DNAJC10: variants seen among roughly 807,000 people sequenced by gnomAD.
DNAJC10 encodes DnaJ heat shock protein family (Hsp40) member C10.
Under a neutral mutation model 115.0 loss-of-function variants are expected in DNAJC10, and 101 were observed. The ratio of observed to expected loss-of-function variants is 0.88; its 90% CI spans 0.75 to 1.04. DNAJC10 has a LOEUF of 1.04. Ranked by LOEUF, DNAJC10 falls within the 50% of genes least tolerant of loss-of-function variation. DNAJC10 has a pLI of 0.00. For missense variants in DNAJC10, 981 were observed against 928.8 expected (o/e 1.06, Z -0.73); for synonymous variants, 307 against 301.5 (o/e 1.02, Z -0.19).
intron 14 of DNAJC10, among the ~76,000 whole-genome samples, chr2:182,746,658 A>C (rs1294940417): frequency 6.6e-6 from 1 of 152,062 alleles, no homozygotes; most frequent in Non-Finnish European, 1.5e-5. Context: ...AGGTTGCGAA[A>C]ATTTTCTGCC....
rs900598961 is a variant in DNAJC10, at chr2:182,717,933, T to C, written c.-146-8T>C. ...AATGTATTTTAACTGCCTGCTTTTC[T>C]TTCTTAGATTAATATTTTTGGGGAC... On this transcript the variant is annotated splice_polypyrimidine_tract_variant and splice_region_variant and intron_variant, in intron 2 of 23. Transcript: ENST00000264065. 7.9e-6 allele frequency: 4 copies of C among 503,928 alleles called. No individual in the cohort carries two copies. Among genetic ancestry groups the C allele is most frequent in the Non-Finnish European group, 1.4e-5 (4 of 291,500 alleles). 31.2% of individuals were successfully genotyped at this position (503,928 alleles called of 1,614,324 possible).
Position 182,783,520 on chromosome 2 carries a change from CATTT to C in DNAJC10, c.*6394_*6397del, listed in dbSNP as rs1694892546. The C allele has an allele frequency of 6.6e-6, 1 of 152,074 alleles. No individual in the cohort carries two copies. The highest frequency in any genetic ancestry group is 2.4e-5 in the African/African-American group (1 of 41,414). 9.4% of individuals were successfully genotyped at this position (152,074 alleles called of 1,614,324 possible). A position where few individuals can be genotyped will look rare whatever the true frequency, so the allele number is the denominator to read the frequency against. The stretch of plus-strand genomic sequence containing the variant: ...TGGCTTTAATGTATTTAGGAAAAAT[CATTT>C]ATTTACAAAACATCTTCCCTTTCTT... On this transcript the variant is annotated 3_prime_UTR_variant, in exon 24 of 24. Coordinates refer to ENST00000264065, the MANE Select transcript of DNAJC10 (RefSeq NM_018981.4).
intron 1 of DNAJC10, among the ~76,000 whole-genome samples, chr2:182,716,775 C>T (rs1693004182): frequency 6.6e-6 from 1 of 152,176 alleles, no homozygotes; most frequent in Non-Finnish European, 1.5e-5. Context: ...CTTTACCCCT[C>T]TCCCCTCTCC....
Position 182,782,644 on chromosome 2 carries a change from G to A in DNAJC10, c.*5512G>A, listed in dbSNP as rs1430943179. 1.3e-5 allele frequency: 2 copies of A among 152,154 alleles called. No individual in the cohort carries two copies. The highest frequency in any genetic ancestry group is 3.9e-4 in the East Asian group (2 of 5,194). 9.4% of individuals were successfully genotyped at this position (152,154 alleles called of 1,614,324 possible). ...AAGAGGTCCTTCACGTCCCTTGTAA[G>A]TTGTATTCCTAGGTATTTAATTCTC... On this transcript the variant is annotated 3_prime_UTR_variant, in exon 24 of 24. Transcript: ENST00000264065.
At chr2:182,737,595 G>A (rs973269680) in intron 11 of DNAJC10, among the ~76,000 whole-genome samples, 16 of 152,174 alleles carry the variant, frequency 1.1e-4, no homozygotes, top group East Asian at 7.7e-4. Context: ...GCACCTATAC[G>A]TATATGTGTG....
At chr2:182,749,794 A>T (rs939908620) in intron 14 of DNAJC10, among the ~76,000 whole-genome samples, 1 of 152,212 alleles carries the variant, frequency 6.6e-6, no homozygotes, top group African/African-American at 2.4e-5. Context: ...AACATGTATT[A>T]ATTCACAGTT....
intron 22 of DNAJC10, among the ~76,000 whole-genome samples, chr2:182,770,319 A>C (rs1559026707): frequency 6.6e-6 from 1 of 152,162 alleles, no homozygotes; most frequent in Non-Finnish European, 1.5e-5. Context: ...GTTCCATATG[A>C]AATTTAAAGT....
chr2:182,791,675 G>A lies in DNAJC10; in HGVS notation c.*14543G>A, dbSNP rs1235792320. 1 of 152,012 alleles carries A rather than the reference G, an allele frequency of 6.6e-6. No homozygotes were observed. The highest frequency in any genetic ancestry group is 1.9e-4 in the East Asian group (1 of 5,180). 9.4% of individuals were successfully genotyped at this position (152,012 alleles called of 1,614,324 possible). On this transcript the variant is annotated 3_prime_UTR_variant, in exon 24 of 24. Transcript: ENST00000264065. ...TTATTCTACCTCTCATTTATTTTCT[G>A]TTTAATAAATCCAGTATTTGGGCAT...
Position 182,755,124 on chromosome 2 carries a change from A to G in DNAJC10, c.1653+20A>G, listed in dbSNP as rs748668550. On this transcript the variant is annotated intron_variant, in intron 17 of 23. Transcript: ENST00000264065. The stretch of plus-strand genomic sequence containing the variant: ...ATAGAGGTATTTCAGATTATAGACT[A>G]TGTGACTAGAAATTTGTCTGTTTCT... The G allele has an allele frequency of 1.3e-5, 18 of 1,430,964 alleles. No individual in the cohort carries two copies. The highest frequency in any genetic ancestry group is 1.0e-4 in the Admixed American group (6 of 59,698). 88.6% of individuals were successfully genotyped at this position (1,430,964 alleles called of 1,614,324 possible). A position where few individuals can be genotyped will look rare whatever the true frequency, so the allele number is the denominator to read the frequency against.
Position 182,721,182 on chromosome 2 carries a change from A to G in DNAJC10, c.368-843A>G, listed in dbSNP as rs143622183. On this transcript the variant is annotated intron_variant, in intron 4 of 23. Coordinates refer to ENST00000264065, the MANE Select transcript of DNAJC10 (RefSeq NM_018981.4). ...TGAATATGCTTCTGTATTAGACTAA[A>G]TGAAGTATTTTAAATTTATATCTGG... Among the ~76,000 whole-genome samples the G allele has an allele frequency of 4.8e-3, 738 of 152,264 alleles. 3 individuals are homozygous for G. Among genetic ancestry groups the G allele is most frequent in the Admixed American group, 7.1e-3 (109 of 15,296 alleles).
chr2:182,718,318 TTTG>T, intron 3 of DNAJC10, 28 bp downstream of exon 3: 1 of 1,520,228 alleles, frequency 6.6e-7, no homozygotes, highest in Non-Finnish European at 8.9e-7. Flanking sequence ...TTTAAAAATA[TTTG>T]ATTATATTTT....
intron 22 of DNAJC10, among the ~76,000 whole-genome samples, chr2:182,772,276 T>C (rs1001277286): frequency 6.6e-6 from 1 of 152,232 alleles, no homozygotes; most frequent in Non-Finnish European, 1.5e-5. Flanking sequence ...AGTGTAGTTC[T>C]GAGAAGAATG....
At chr2:182,724,758 A>G (rs1489793533) in intron 5 of DNAJC10, among the ~76,000 whole-genome samples, 1 of 152,186 alleles carries the variant, frequency 6.6e-6, no homozygotes, top group African/African-American at 2.4e-5. Flanking sequence ...TTGAAATGTA[A>G]TAATTCTATT....
chr2:182,724,612 G>A (rs1454267732), intron 5 of DNAJC10, among the ~76,000 whole-genome samples: 1 of 152,036 alleles, frequency 6.6e-6, no homozygotes, highest in African/African-American at 2.4e-5. Flanking sequence ...ATAGACCTGT[G>A]GGGAAAAAGT....
rs985117430 is a variant in DNAJC10 at position 182,784,381 on chromosome 2, A to G, written c.*7249A>G. 6.6e-6 allele frequency: 1 copy of G among 152,064 alleles called. No homozygotes were observed. Among genetic ancestry groups the G allele is most frequent in the East Asian group, 1.9e-4 (1 of 5,190 alleles). The allele number at this position is 152,064 out of a possible 1,614,324, so 9.4% of individuals were successfully genotyped here. A position where few individuals can be genotyped will look rare whatever the true frequency, so the allele number is the denominator to read the frequency against. On this transcript the variant is annotated 3_prime_UTR_variant, in exon 24 of 24. Coordinates refer to ENST00000264065, the MANE Select transcript of DNAJC10 (RefSeq NM_018981.4). ...GTTGGTATTTTATATAAACTTAAGAAACCTCCCCACACAAACACACACAGC... is the reference window on the plus strand; with the variant it reads ...GTTGGTATTTTATATAAACTTAAGAGACCTCCCCACACAAACACACACAGC...
At chr2:182,753,991 A>G (rs377572562) in intron 16 of DNAJC10, among the ~76,000 whole-genome samples, 3 of 152,308 alleles carry the variant, frequency 2.0e-5, no homozygotes, top group East Asian at 3.9e-4. Flanking sequence ...GCCAAGATTC[A>G]CTACTCACCA....
At chr2:182,743,150 C>CT (rs1317681318) in intron 13 of DNAJC10, among the ~76,000 whole-genome samples, 1 of 152,122 alleles carries the variant, frequency 6.6e-6, no homozygotes, top group Non-Finnish European at 1.5e-5. Context: ...CCTGGCCCTT[C>CT]TTGTTTCTTA....
At chr2:182,749,593 G>C (rs1204798808) in intron 14 of DNAJC10, among the ~76,000 whole-genome samples, 1 of 151,674 alleles carries the variant, frequency 6.6e-6, no homozygotes, top group East Asian at 1.9e-4. Context: ...AGACTGATGG[G>C]TCTTGACTCT....
intron 16 of DNAJC10, chr2:182,754,789 C>G (rs559728529): frequency 1.5e-6 from 2 of 1,302,980 alleles, no homozygotes; most frequent in Non-Finnish European, 2.0e-6. Flanking sequence ...AATGGAGCAG[C>G]TATAAATAAG....
Sources: allele counts gnomAD v4.1 joint callset (sites outside exome capture counted in the v4.1 genomes callset), GRCh38; gene constraint gnomAD v4.1.1; transcripts MANE v1.5; gene names NCBI Gene and HGNC (gene_info 2026-07-23, HGNC 2026-07-21).